Variants in CD200R1L observed in about 807,000 individuals in gnomAD.
CD200R1L encodes CD200 receptor 1 like.
Under a neutral mutation model 24.8 loss-of-function variants are expected in CD200R1L, and 14 were observed. That is an observed-to-expected ratio of 0.56 (90% CI 0.37 to 0.88). CD200R1L has a LOEUF of 0.88. Ranked by LOEUF, CD200R1L falls within the 40% of genes least tolerant of loss-of-function variation. The pLI is 0.00. For missense variants in CD200R1L, 299 were observed against 297.8 expected, an observed-to-expected ratio of 1.00 and a Z score of -0.03; for synonymous variants, 111 against 109.2, an observed-to-expected ratio of 1.02 and a Z score of -0.11.
intron 6 of CD200R1L, among the ~76,000 whole-genome samples, chr3:112,823,823 T>C (rs1938598117): frequency 6.6e-6 from 1 of 152,144 alleles, no homozygotes; most frequent in Admixed American, 6.5e-5. Context: ...AGAAATTGCA[T>C]GTAAAAGGGA....
At chr3:112,843,873 C>T (rs4682437) in intron 2 of CD200R1L, among the ~76,000 whole-genome samples, 11,982 of 151,864 alleles carry the variant, frequency 0.079, 665 homozygotes, top group Admixed American at 0.15. Context: ...ATCACACAAA[C>T]GGAAAACAAA....
intron 2 of CD200R1L, among the ~76,000 whole-genome samples, chr3:112,840,163 T>C (rs778604002): frequency 6.6e-6 from 1 of 152,240 alleles, no homozygotes; most frequent in Non-Finnish European, 1.5e-5. Context: ...TTCAGTGCTG[T>C]AGCTCCAGGC....
chr3:112,827,859 T>A (rs945671694), intron 4 of CD200R1L, among the ~76,000 whole-genome samples, 175 bp from the exon 5 acceptor site: 1 of 152,148 alleles, frequency 6.6e-6, no homozygotes, highest in Non-Finnish European at 1.5e-5. Flanking sequence ...AAATAATATA[T>A]TGAACCCAAT....
rs756212755 is a variant in CD200R1L at position 112,845,663 on chromosome 3, A to G, written c.-87+16T>C. ...AGCTTTATTTTCAGCTGAAAATGTC[A>G]CAGTATCAGACTTACCAGACACCAT... On this transcript the variant is annotated intron_variant, in intron 2 of 7. Transcript: ENST00000488794. The G allele has an allele frequency of 3.1e-6, 5 of 1,600,752 alleles. No individual in the cohort carries two copies. The Admixed American group carries it at 8.4e-5, about 27-fold the overall frequency.
Position 112,831,700 on chromosome 3 carries a change from A to G in CD200R1L, c.-17-2316T>C, listed in dbSNP as rs554845326. Among the ~76,000 whole-genome samples, 8 of 152,346 alleles carry G rather than the reference A, an allele frequency of 5.3e-5. No individual in the cohort carries two copies. In the South Asian group the frequency reaches 1.7e-3, roughly 32 times the overall value. On this transcript the variant is annotated intron_variant, in intron 3 of 7. Coordinates refer to ENST00000488794, the MANE Select transcript of CD200R1L (RefSeq NM_001199215.3). ...GGAGGTATGCTGCACAAGCCAGGAAATACCAGAAGCTGGGAGAAGGGCTTG... is the reference window on the plus strand; with the variant it reads ...GGAGGTATGCTGCACAAGCCAGGAAGTACCAGAAGCTGGGAGAAGGGCTTG...
At chr3:112,817,412 C>A (rs1938423198) in intron 7 of CD200R1L, among the ~76,000 whole-genome samples, 1 of 152,144 alleles carries the variant, frequency 6.6e-6, no homozygotes, top group Non-Finnish European at 1.5e-5. Context: ...GTTAATATAG[C>A]TATGCTACTA....
chr3:112,839,353 T>G (rs147048501), intron 2 of CD200R1L, among the ~76,000 whole-genome samples: 224 of 152,326 alleles, frequency 1.5e-3, no homozygotes, highest in African/African-American at 5.1e-3. Flanking sequence ...AACTGGATAA[T>G]CCTAGTCAAA....
At chr3:112,823,041 T>C (rs1373647592) in intron 6 of CD200R1L, among the ~76,000 whole-genome samples, 4 of 152,212 alleles carry the variant, frequency 2.6e-5, no homozygotes, top group African/African-American at 7.2e-5. Context: ...GAAAACAAAC[T>C]GTACAGAAAA....
At chr3:112,835,946 AC>A (rs1275177930) in intron 3 of CD200R1L, among the ~76,000 whole-genome samples, 2 of 151,968 alleles carry the variant, frequency 1.3e-5, no homozygotes, top group African/African-American at 2.4e-5. Context: ...CTCTGGCTGC[AC>A]CCCCTCTCTG....
Position 112,827,144 on chromosome 3 carries a change from C to G in CD200R1L, c.465G>C (p.Glu155Asp). 1 of 1,613,590 alleles carries G rather than the reference C, an allele frequency of 6.2e-7. No homozygotes were observed. Among genetic ancestry groups the G allele is most frequent in the Non-Finnish European group, 8.5e-7 (1 of 1,180,022 alleles). ...KPAAQISWIP[E>D]GSILATKQEY... Reference sequence around the variant, plus strand: ...CTTGCTTAGTGGCAAGAATAGATCCCTCTGGGATCCAGGAGATCTGGGCAG... The same window carrying G: ...CTTGCTTAGTGGCAAGAATAGATCCGTCTGGGATCCAGGAGATCTGGGCAG... Residue 155 changes from glutamate (E) to aspartate (D), a missense_variant, in exon 6 of 8, where the codon GAG (glutamate) becomes GAC (aspartate). Coordinates refer to ENST00000488794, the MANE Select transcript of CD200R1L (RefSeq NM_001199215.3).
intron 1 of CD200R1L, 56 bp from the exon 2 acceptor site, chr3:112,846,006 T>C (rs1273707400): frequency 2.7e-6 from 1 of 369,514 alleles, no homozygotes; most frequent in African/African-American, 2.1e-5. Flanking sequence ...TCCCACAACA[T>C]TGAAGTAGCA....
rs148552456 is a variant in CD200R1L at position 112,821,553 on chromosome 3, T to C, written c.617-1658A>G. On this transcript the variant is annotated intron_variant, in intron 6 of 7. Coordinates refer to ENST00000488794, the MANE Select transcript of CD200R1L (RefSeq NM_001199215.3). ...TTGTGAATTACCACACCCTTCCTCT[T>C]TCCCCTCCAGCGCACTTTTACCCTT... 3.0e-4 allele frequency among the ~76,000 whole-genome samples: 46 copies of C among 152,338 alleles called. No individual in the cohort carries two copies. The South Asian group carries it at 9.1e-3, about 30-fold the overall frequency.
At position 112,842,376 on chromosome 3, in the gene CD200R1L, C is replaced by T. The variant is rs117478426; in HGVS notation, c.-87+3303G>A. 2.6e-3 allele frequency among the ~76,000 whole-genome samples: 396 copies of T among 152,308 alleles called. 11 individuals carry two copies. In the East Asian group the frequency reaches 0.058, roughly 22 times the overall value. ...TTATGCCTGTCTTTAATTTCTTAAT[C>T]CTATTATCTTCATAAGCTGAGGATT... On this transcript the variant is annotated intron_variant, in intron 2 of 7. Coordinates refer to ENST00000488794, the MANE Select transcript of CD200R1L (RefSeq NM_001199215.3).
At chr3:112,846,360 T>C (rs1438709236) in intron 1 of CD200R1L, among the ~76,000 whole-genome samples, 1 of 152,256 alleles carries the variant, frequency 6.6e-6, no homozygotes, top group African/African-American at 2.4e-5. Flanking sequence ...AAATTTTCAA[T>C]AACTATATCA....
chr3:112,818,976 C>T (rs1167650983), intron 7 of CD200R1L, among the ~76,000 whole-genome samples: 1 of 152,202 alleles, frequency 6.6e-6, no homozygotes, highest in East Asian at 1.9e-4. Flanking sequence ...TTTTAACTGA[C>T]TCACAGTTCC....
chr3:112,828,814 G>A (rs1378142186), intron 4 of CD200R1L, among the ~76,000 whole-genome samples: 3 of 152,082 alleles, frequency 2.0e-5, no homozygotes, highest in Admixed American at 6.6e-5. Flanking sequence ...TTATTCTGCC[G>A]AAGTATCTGT....
At chr3:112,832,560 A>G (rs1200325862) in intron 3 of CD200R1L, among the ~76,000 whole-genome samples, 1 of 152,178 alleles carries the variant, frequency 6.6e-6, no homozygotes, top group East Asian at 1.9e-4. Context: ...AGTATACTAA[A>G]ATAGTGGTCC....
Position 112,835,784 on chromosome 3 carries a change from C to G in CD200R1L, c.-18+2158G>C, listed in dbSNP as rs1315071948. Among the ~76,000 whole-genome samples the G allele has an allele frequency of 2.6e-5, 4 of 152,228 alleles. No homozygotes were observed. In the East Asian group the frequency reaches 7.7e-4, roughly 29 times the overall value. ...TTGGTGCCCAAAGTCTGGAGGGGGC[C>G]AAGGTGGCAGGGCTTCTGCCTGTTC... On this transcript the variant is annotated intron_variant, in intron 3 of 7. Coordinates refer to ENST00000488794, the MANE Select transcript of CD200R1L (RefSeq NM_001199215.3).
intron 2 of CD200R1L, among the ~76,000 whole-genome samples, chr3:112,842,847 C>G (rs982038397): frequency 3.3e-5 from 5 of 151,962 alleles, no homozygotes; most frequent in African/African-American, 9.7e-5. Flanking sequence ...TCTCTGCTCT[C>G]GAACTCTGTT....
Sources: gnomAD v4.1 joint callset for allele counts (sites outside exome capture counted in the v4.1 genomes callset) on GRCh38, gnomAD v4.1.1 for gene constraint, MANE v1.5 for transcripts, NCBI Gene and HGNC (gene_info 2026-07-23, HGNC 2026-07-21) for gene names.